PACS2: variants seen among roughly 807,000 people sequenced by gnomAD.
PACS2 encodes phosphofurin acidic cluster sorting protein 2.
In PACS2, 36 loss-of-function variants were observed where a neutral mutation model predicts 113.0. The ratio of observed to expected loss-of-function variants is 0.32; its 90% CI spans 0.24 to 0.42. PACS2 has a LOEUF of 0.42. Among genes scored for constraint, PACS2 ranks in the 10% least tolerant of loss-of-function variants. The probability of loss-of-function intolerance (pLI) is 1.00; values close to 1 mark genes in which losing one functional copy is unlikely to be tolerated. For missense variants in PACS2, 1,015 were observed against 1,239.5 expected, an observed-to-expected ratio of 0.82 and a Z score of 2.72; for synonymous variants, 589 against 536.1, an observed-to-expected ratio of 1.10 and a Z score of -1.36.
chr14:105,334,068 G>A (rs1035228967), intron 1 of PACS2, among the ~76,000 whole-genome samples: 1 of 152,238 alleles, frequency 6.6e-6, no homozygotes, highest in African/African-American at 2.4e-5. Context: ...CGGGGGCCTG[G>A]GCCTGGATCC....
rs1555412302 is a variant in PACS2 at position 105,382,482 on chromosome 14, C to A, written c.1419C>A (p.Pro473=). ...RSQLQVQLQI[P]RKTVYDQLNH... ...ACAGGGCTCTGTGCCTCCAGATCCC[C>A]AGGAAGACTGTGTATGACCAGCTCA... Residue 473 remains proline (P), a synonymous_variant, in exon 14 of 25, where the codon CCC becomes CCA. Transcript: ENST00000447393. 5 of 1,598,984 alleles carry A rather than the reference C, an allele frequency of 3.1e-6. No homozygotes were observed. The African/African-American group carries it at 4.0e-5, about 13-fold the overall frequency.
chr14:105,331,763 T>C (rs967374607), intron 1 of PACS2, among the ~76,000 whole-genome samples: 1 of 152,266 alleles, frequency 6.6e-6, no homozygotes, highest in Non-Finnish European at 1.5e-5. Context: ...ATGGCTTTGC[T>C]GCTACTTTGC....
At chr14:105,342,384 C>T (rs2059765552) in intron 1 of PACS2, among the ~76,000 whole-genome samples, 1 of 152,036 alleles carries the variant, frequency 6.6e-6, no homozygotes. Flanking sequence ...CCTCCCACCT[C>T]AGCCTCCCAA....
At chr14:105,322,921 T>G (rs1287380717) in intron 1 of PACS2, among the ~76,000 whole-genome samples, 2 of 152,344 alleles carry the variant, frequency 1.3e-5, no homozygotes, top group African/African-American at 4.8e-5. Flanking sequence ...TAGTTTACCC[T>G]CACCCTGAGC....
chr14:105,305,704 C>T lies in PACS2; in HGVS notation c.-83+4725C>T, dbSNP rs188475767. Among the ~76,000 whole-genome samples the T allele has an allele frequency of 2.0e-4, 31 of 152,324 alleles. No homozygotes were observed. In the East Asian group the frequency reaches 4.8e-3, roughly 24 times the overall value. On this transcript the variant is annotated intron_variant, in intron 1 of 23. Coordinates refer to the PACS2 transcript ENST00000430725. ...GAATGCGGAGAACTGCCCTGGGGAC[C>T]GGTTAGGTGCCCCATGCTGCAAGCG...
chr14:105,334,363 G>A (rs953923804), intron 1 of PACS2, among the ~76,000 whole-genome samples: 4 of 152,238 alleles, frequency 2.6e-5, no homozygotes, highest in African/African-American at 9.6e-5. Context: ...TGAGGCTGAC[G>A]CAGACCAGAC....
At chr14:105,394,435 G>T in intron 24 of PACS2, 119 bp from the exon 25 acceptor site, 2 of 1,516,586 alleles carry the variant, frequency 1.3e-6, no homozygotes, top group East Asian at 4.8e-5. Context: ...CCTCCAGCAT[G>T]GGGCTCCTTC....
chr14:105,378,837 C>G (rs113995217), intron 9 of PACS2, among the ~76,000 whole-genome samples: 4,713 of 152,356 alleles, frequency 0.031, 255 homozygotes, highest in African/African-American at 0.11. Flanking sequence ...CCTGGATCGG[C>G]CAGATGGTCT....
chr14:105,392,954 C>T (rs587756901), intron 23 of PACS2, 109 bp downstream of exon 23: 3 of 874,692 alleles, frequency 3.4e-6, no homozygotes, highest in East Asian at 2.6e-5. Context: ...CTCGGGCAGC[C>T]CACATGCGCA....
rs1555405542 is a variant in PACS2 at position 105,357,623 on chromosome 14, G to C, written c.423+2446G>C. Among the ~76,000 whole-genome samples, 2 of 152,196 alleles carry C rather than the reference G, an allele frequency of 1.3e-5. No homozygotes were observed. The highest frequency in any genetic ancestry group is 4.8e-5 in the African/African-American group (2 of 41,456). On this transcript the variant is annotated intron_variant, in intron 4 of 24. Coordinates refer to ENST00000447393, the MANE Select transcript of PACS2 (RefSeq NM_001100913.3). The surrounding 1 kb of genome is among the most constrained non-coding windows in gnomAD (Gnocchi z 5.1). ...TTTTGGGGCTGGTTCCCACCTGTGAGCGTTGCTGGCTTGTTGAGAGTATGA... is the reference window on the plus strand; with the variant it reads ...TTTTGGGGCTGGTTCCCACCTGTGACCGTTGCTGGCTTGTTGAGAGTATGA...
rs1373472026 is a variant in PACS2, at chr14:105,314,939, C to T, written c.21C>T (p.Leu7=). 8.7e-6 allele frequency: 10 copies of T among 1,146,178 alleles called. No individual in the cohort carries two copies. The highest frequency in any genetic ancestry group is 8.4e-5 in the African/African-American group (5 of 59,640). The allele number at this position is 1,146,178 out of a possible 1,614,324, so 71.0% of individuals were successfully genotyped here. Residue 7 remains leucine, a synonymous_variant, in exon 1 of 25, where the codon CTC becomes CTT. Coordinates refer to ENST00000447393, the MANE Select transcript of PACS2 (RefSeq NM_001100913.3). The part of the protein sequence containing the change: MAERGR[L]GLPGAPGALN... The stretch of plus-strand genomic sequence containing the variant: ...GCGCCATGGCCGAGCGAGGCCGCCT[C>T]GGCCTCCCCGGCGCGCCCGGCGCGC...
At position 105,324,868 on chromosome 14, in the gene PACS2, A is replaced by T. The variant is rs1237836832; in HGVS notation, c.119+9831A>T. ...CCATGCTGGGTCCCCTGGGGTGCAG[A>T]TGCCGCTCAACAGAGGAGTCAGGAC... On this transcript the variant is annotated intron_variant, in intron 1 of 24. Transcript: ENST00000447393. This position sits in a 1 kb window ranked among gnomAD's most constrained non-coding sequence, Gnocchi z 4.7. Among the ~76,000 whole-genome samples the T allele has an allele frequency of 2.6e-5, 4 of 152,062 alleles. No homozygotes were observed. The highest frequency in any genetic ancestry group is 1.3e-4 in the Admixed American group (2 of 15,284).
chr14:105,365,471 T>C lies in PACS2; in HGVS notation c.424-1742T>C, dbSNP rs1408177604. ...GGCCCGCTGCGGGCCCAGCAGAGCATTCCCACTACAGCCAGCTCCAGGGAT... is the reference window on the plus strand; with the variant it reads ...GGCCCGCTGCGGGCCCAGCAGAGCACTCCCACTACAGCCAGCTCCAGGGAT... On this transcript the variant is annotated intron_variant, in intron 4 of 24. Coordinates refer to ENST00000447393, the MANE Select transcript of PACS2 (RefSeq NM_001100913.3). This position sits in a 1 kb window ranked among gnomAD's most constrained non-coding sequence, Gnocchi z 5.1. Among the ~76,000 whole-genome samples the C allele has an allele frequency of 5.3e-5, 8 of 152,050 alleles. No individual in the cohort carries two copies. The highest frequency in any genetic ancestry group is 1.2e-4 in the Non-Finnish European group (8 of 67,996).
In PACS2 at chr14:105,367,278, C is replaced by T. The variant is rs112555824; in HGVS notation, c.489C>T (p.Pro163=). 4,881 of 1,613,182 alleles carry T rather than the reference C, an allele frequency of 3.0e-3. 138 individuals are homozygous for T. In the African/African-American group the frequency reaches 0.054, roughly 18 times the overall value. The part of the protein sequence containing the change: ...LSLCSSIKEA[P]VKAAEIWIAS... ...TCTGCAGCAGCATCAAGGAGGCCCC[C>T]GTCAAGGCGGCCGAGATCTGGATCG... The change falls in exon 5 of 25, where the codon CCC becomes CCT. Residue 163 remains proline, a synonymous_variant. Coordinates refer to ENST00000447393, the MANE Select transcript of PACS2 (RefSeq NM_001100913.3).
chr14:105,343,491 C>A lies in PACS2; in HGVS notation c.120-5002C>A, dbSNP rs182739313. 1.7e-4 allele frequency among the ~76,000 whole-genome samples: 26 copies of A among 152,296 alleles called. No individual in the cohort carries two copies. The East Asian group carries it at 5.0e-3, about 29-fold the overall frequency. On this transcript the variant is annotated intron_variant, in intron 1 of 24. Coordinates refer to ENST00000447393, the MANE Select transcript of PACS2 (RefSeq NM_001100913.3). ...CTGCACGTTCAGAGTATATGGAAGT[C>A]CCAGTGGTTTTGCTTCCTCGCCAGC...
chr14:105,337,636 G>A (rs587656680), intron 1 of PACS2, among the ~76,000 whole-genome samples: 86 of 152,320 alleles, frequency 5.6e-4, no homozygotes, highest in Admixed American at 5.0e-3. Context: ...GCAACCCTGC[G>A]AGGAGCTTGG....
intron 20 of PACS2, 71 bp from the exon 21 acceptor site, chr14:105,391,136 A>G (rs1293118840): frequency 8.3e-7 from 1 of 1,197,914 alleles, no homozygotes. Flanking sequence ...GGGAGGCGGG[A>G]GCCCCACTGG....
rs1479894072 is a variant in PACS2 at position 105,348,182 on chromosome 14, T to A, written c.120-311T>A. On this transcript the variant is annotated intron_variant, in intron 1 of 24. Coordinates refer to ENST00000447393, the MANE Select transcript of PACS2 (RefSeq NM_001100913.3). The surrounding 1 kb of genome is among the most constrained non-coding windows in gnomAD (Gnocchi z 6.4). ...CAGATCTTCTCTTTGTGGCCTGTCA[T>A]CCCTCCTACCTGCCTGTCCACAGGC... 6.6e-6 allele frequency among the ~76,000 whole-genome samples: 1 copy of A among 152,032 alleles called. No individual in the cohort carries two copies. Among genetic ancestry groups the A allele is most frequent in the Non-Finnish European group, 1.5e-5 (1 of 67,966 alleles).
rs927652874 is a variant in PACS2 at position 105,354,370 on chromosome 14, G to A, written c.298-682G>A. On this transcript the variant is annotated intron_variant, in intron 3 of 24. Coordinates refer to ENST00000447393, the MANE Select transcript of PACS2 (RefSeq NM_001100913.3). The surrounding 1 kb of genome is among the most constrained non-coding windows in gnomAD (Gnocchi z 4.2). Reference sequence around the variant, plus strand: ...GCCCAGCTTGGCCTCCCAAAGTGCCGGGATTACAGGTGTGAGCCACCGCGC... The same window carrying A: ...GCCCAGCTTGGCCTCCCAAAGTGCCAGGATTACAGGTGTGAGCCACCGCGC... Among the ~76,000 whole-genome samples, 1 of 151,894 alleles carries A rather than the reference G, an allele frequency of 6.6e-6. No individual in the cohort carries two copies. Among genetic ancestry groups the A allele is most frequent in the African/African-American group, 2.4e-5 (1 of 41,214 alleles).
Sources: gnomAD v4.1 joint callset for allele counts (sites outside exome capture counted in the v4.1 genomes callset) on GRCh38, gnomAD v4.1.1 for gene constraint, Gnocchi (gnomAD v3.1) non-coding constraint, MANE v1.5 for transcripts, NCBI Gene and HGNC (gene_info 2026-07-23, HGNC 2026-07-21) for gene names.